CPEB3: variants seen among roughly 807,000 people sequenced by gnomAD.
CPEB3 encodes the protein cytoplasmic polyadenylation element binding protein 3.
CPEB3 carries 20 observed loss-of-function variants against 67.2 expected under a neutral mutation model. The observed-to-expected ratio is 0.30, with a 90% CI of 0.21 to 0.43. The LOEUF (loss-of-function observed/expected upper bound fraction) is 0.43. Among genes scored for constraint, CPEB3 ranks in the 20% least tolerant of loss-of-function variants. The pLI, the probability that CPEB3 is intolerant of heterozygous loss-of-function variation, is 1.00. For missense variants in CPEB3, 746 were observed against 968.6 expected (o/e 0.77, Z 3.05); for synonymous variants, 376 against 393.1 (o/e 0.96, Z 0.51).
At chr10:92,183,307 C>T (rs977049712) in intron 3 of CPEB3, among the ~76,000 whole-genome samples, 7 of 152,078 alleles carry the variant, frequency 4.6e-5, no homozygotes, top group South Asian at 4.1e-4. Flanking sequence ...AATTGTTCTA[C>T]GTGCCTTACG....
intron 1 of CPEB3, among the ~76,000 whole-genome samples, chr10:92,262,668 G>A (rs1317949291): frequency 6.6e-6 from 1 of 152,032 alleles, no homozygotes; most frequent in Non-Finnish European, 1.5e-5. Flanking sequence ...GCAACATACA[G>A]AGATCTTGTC....
chr10:92,161,911 G>A (rs538349525), intron 4 of CPEB3, among the ~76,000 whole-genome samples: 5 of 151,378 alleles, frequency 3.3e-5, no homozygotes, highest in African/African-American at 1.2e-4. Context: ...TCCACCTGCC[G>A]TGGCCTCCCA....
chr10:92,089,053 A>T (rs1442871996), intron 8 of CPEB3, among the ~76,000 whole-genome samples: 1 of 152,188 alleles, frequency 6.6e-6, no homozygotes, highest in African/African-American at 2.4e-5. Flanking sequence ...TGCATGACAC[A>T]TATTTTCTCA....
chr10:92,171,885 G>A (rs1848018565), intron 4 of CPEB3, among the ~76,000 whole-genome samples: 1 of 152,188 alleles, frequency 6.6e-6, no homozygotes, highest in African/African-American at 2.4e-5. Flanking sequence ...AAAGTGCTGG[G>A]AAGTACAGGC....
chr10:92,289,755 A>ATATG lies in CPEB3; in HGVS notation c.-12+1167_-12+1170dup, dbSNP rs1554944356. Among the ~76,000 whole-genome samples the ATATG allele has an allele frequency of 2.4e-4, 31 of 130,852 alleles. 1 individual carries two copies. Among genetic ancestry groups the ATATG allele is most frequent in the Non-Finnish European group, 3.5e-4 (22 of 63,038 alleles). The allele number at this position is 130,852 out of a possible 152,430, so 85.8% of individuals were successfully genotyped here. ...AAAATATATATATATATATATATAT[A>ATATG]TATGTATTATATATTATAAATGTAT... On this transcript the variant is annotated intron_variant, in intron 1 of 9. Coordinates refer to ENST00000265997, the MANE Select transcript of CPEB3 (RefSeq NM_014912.5).
At chr10:92,251,438 G>A (rs116097945) in intron 1 of CPEB3, among the ~76,000 whole-genome samples, 1 of 151,248 alleles carries the variant, frequency 6.6e-6, no homozygotes, top group African/African-American at 2.4e-5. Context: ...TAAATACTGA[G>A]ATTTAAAGTT....
At chr10:92,281,028 G>C (rs907552034) in intron 1 of CPEB3, among the ~76,000 whole-genome samples, 4 of 151,774 alleles carry the variant, frequency 2.6e-5, no homozygotes, top group Non-Finnish European at 5.9e-5. Context: ...CCAAAGTGCT[G>C]GGATTACAGG....
rs142024216 is a variant in CPEB3 at position 92,118,162 on chromosome 10, G to A, written c.1454-6968C>T. Among the ~76,000 whole-genome samples, 410 of 152,048 alleles carry A rather than the reference G, an allele frequency of 2.7e-3. 2 individuals are homozygous for A. Among genetic ancestry groups the A allele is most frequent in the South Asian group, 0.011 (52 of 4,798 alleles). ...TTGTTTTGTTTCAAGATGGAGTTTC[G>A]CTCTTGTTGCCCAGGCTGGAGTGCA... On this transcript the variant is annotated intron_variant, in intron 6 of 9. Coordinates refer to ENST00000265997, the MANE Select transcript of CPEB3 (RefSeq NM_014912.5).
intron 6 of CPEB3, among the ~76,000 whole-genome samples, chr10:92,130,351 C>T (rs1446792144): frequency 6.6e-6 from 1 of 151,852 alleles, no homozygotes; most frequent in African/African-American, 2.4e-5. Context: ...TTTCTTATCT[C>T]CCCCATAGGA....
chr10:92,074,720 T>C (rs1009080162), intron 9 of CPEB3, among the ~76,000 whole-genome samples: 4 of 152,196 alleles, frequency 2.6e-5, no homozygotes, highest in African/African-American at 9.7e-5. Flanking sequence ...TTAAGGACTT[T>C]GACCTTTATC....
At chr10:92,102,594 G>T (rs117348349) in intron 7 of CPEB3, among the ~76,000 whole-genome samples, 2 of 152,090 alleles carry the variant, frequency 1.3e-5, no homozygotes, top group African/African-American at 2.4e-5. Context: ...CGAACAATTC[G>T]GTATACTGTT....
intron 6 of CPEB3, among the ~76,000 whole-genome samples, chr10:92,140,620 A>T (rs1372684560): frequency 5.3e-5 from 8 of 150,618 alleles, no homozygotes; most frequent in African/African-American, 2.0e-4. Context: ...AAAAGCCAAA[A>T]TTGACAAATG....
intron 2 of CPEB3, among the ~76,000 whole-genome samples, chr10:92,193,685 G>A (rs7070174): frequency 0.023 from 3,421 of 151,700 alleles, 118 homozygotes; most frequent in African/African-American, 0.079. Context: ...GAATTCCTGA[G>A]TGCAAACGAT....
At chr10:92,181,227 A>T (rs1018196526) in intron 3 of CPEB3, among the ~76,000 whole-genome samples, 12 of 149,654 alleles carry the variant, frequency 8.0e-5, no homozygotes, top group Non-Finnish European at 1.2e-4. Flanking sequence ...ACAAATAAAT[A>T]AAAAAAAACA....
chr10:92,080,599 C>CTT (rs112857749), intron 9 of CPEB3, among the ~76,000 whole-genome samples: 16 of 143,916 alleles, frequency 1.1e-4, no homozygotes, highest in African/African-American at 3.8e-4. Flanking sequence ...TTGCAATTTT[C>CTT]TTTTTTTTTT....
In CPEB3 at chr10:92,119,468, G is replaced by A. The variant is rs117179146; in HGVS notation, c.1454-8274C>T. ...TATTGGGCTTTGATTTGTGCCAAAG[G>A]TCAGCTTTTGGTTCCTTCTTCCTGA... On this transcript the variant is annotated intron_variant, in intron 6 of 9. Transcript: ENST00000265997. 2.9e-3 allele frequency among the ~76,000 whole-genome samples: 449 copies of A among 152,274 alleles called. 3 individuals carry two copies. Among genetic ancestry groups the A allele is most frequent in the Non-Finnish European group, 4.9e-3 (332 of 68,024 alleles).
At chr10:92,146,443 TAAAA>T (rs202225371) in intron 4 of CPEB3, among the ~76,000 whole-genome samples, 1 of 144,446 alleles carries the variant, frequency 6.9e-6, no homozygotes, top group Non-Finnish European at 1.5e-5. Flanking sequence ...AATATACTCT[TAAAA>T]AAAAAAAAGA....
At chr10:92,091,806 T>G (rs1412993601) in intron 8 of CPEB3, 24 bp downstream of exon 8, 1 of 1,383,688 alleles carries the variant, frequency 7.2e-7, no homozygotes. Flanking sequence ...GTTTTGTTGT[T>G]GTGGTATTAC....
chr10:92,138,072 C>CA (rs1846200770), intron 6 of CPEB3: 1 of 155,156 alleles, frequency 6.4e-6, no homozygotes, highest in Non-Finnish European at 1.4e-5. Flanking sequence ...CTCTGCCATG[C>CA]ATGGAGATAT....
Sources: allele counts gnomAD v4.1 joint callset (sites outside exome capture counted in the v4.1 genomes callset), GRCh38; gene constraint gnomAD v4.1.1; transcripts MANE v1.5; gene names NCBI Gene and HGNC (gene_info 2026-07-23, HGNC 2026-07-21).